CCSER2: variants seen among roughly 807,000 people sequenced by gnomAD.
CCSER2 encodes serine-rich coiled-coil domain-containing protein 2.
A neutral mutation model predicts 92.3 loss-of-function variants in CCSER2; 46 were observed. The ratio of observed to expected loss-of-function variants is 0.50; its 90% CI spans 0.39 to 0.64. The LOEUF (loss-of-function observed/expected upper bound fraction) is 0.64. CCSER2 is among the 30% of genes least tolerant of loss of function. The probability of loss-of-function intolerance (pLI) is 0.00; values close to 1 mark genes in which losing one functional copy is unlikely to be tolerated. For missense variants in CCSER2, 1,244 were observed against 1,238.9 expected, an observed-to-expected ratio of 1.00 and a Z score of -0.06; for synonymous variants, 433 against 431.4, an observed-to-expected ratio of 1.00 and a Z score of -0.04.
chr10:84,379,670 A>T (rs1358767671), intron 3 of CCSER2, among the ~76,000 whole-genome samples: 1 of 152,144 alleles, frequency 6.6e-6, no homozygotes, highest in African/African-American at 2.4e-5. Flanking sequence ...ATAGGCCATT[A>T]TCCTTAATGC....
rs1848825584 is a variant in CCSER2, at chr10:84,502,663, G to A, written c.2326-10786G>A. Among the ~76,000 whole-genome samples, 7 of 151,912 alleles carry A rather than the reference G, an allele frequency of 4.6e-5. No homozygotes were observed. The South Asian group carries it at 1.0e-3, about 23-fold the overall frequency. On this transcript the variant is annotated intron_variant, in intron 9 of 9. Transcript: ENST00000372088. ...TGGGATTACAGGCGTGAGCCACCAC[G>A]CTCGGCCTCTTTGATGACTTCTTGA...
In CCSER2 at chr10:84,464,007, A is replaced by C; in HGVS notation, c.2139A>C (p.Lys713Asn). The C allele has an allele frequency of 6.3e-7, 1 of 1,598,420 alleles. No homozygotes were observed. The highest frequency in any genetic ancestry group is 8.6e-7 in the Non-Finnish European group (1 of 1,166,328). The change falls in exon 7 of 10, where the codon AAA becomes AAC. Residue 713 changes from lysine (K) to asparagine (N), a missense_variant. Transcript: ENST00000372088. ...PSSPEPEDGD[K>N]VYKNEDLLNE... ...GTCCAGAACCAGAAGATGGTGATAAAGTATATAAGGTATGACTATGTAGTC... is the reference window on the plus strand; with the variant it reads ...GTCCAGAACCAGAAGATGGTGATAACGTATATAAGGTATGACTATGTAGTC...
chr10:84,355,804 T>A (rs1444957989), intron 1 of CCSER2, among the ~76,000 whole-genome samples: 1 of 152,190 alleles, frequency 6.6e-6, no homozygotes, highest in Non-Finnish European at 1.5e-5. Flanking sequence ...TATAGTTACT[T>A]TATAAAAAAG....
chr10:84,383,765 T>TA (rs533150056), intron 3 of CCSER2, among the ~76,000 whole-genome samples: 65 of 152,318 alleles, frequency 4.3e-4, no homozygotes, highest in Admixed American at 1.2e-3. Context: ...GTTGTTGCTT[T>TA]AAATCTGTAT....
intron 5 of CCSER2, among the ~76,000 whole-genome samples, chr10:84,434,425 T>G (rs1347469362): frequency 6.6e-6 from 1 of 152,216 alleles, no homozygotes; most frequent in African/African-American, 2.4e-5. Context: ...CTCTTAGATT[T>G]CTCTGTTATA....
chr10:84,487,772 A>G (rs1476646133), intron 9 of CCSER2, among the ~76,000 whole-genome samples: 2 of 152,170 alleles, frequency 1.3e-5, no homozygotes, highest in Non-Finnish European at 2.9e-5. Context: ...AACTTCCAAC[A>G]CTATGTTGAA....
chr10:84,357,009 A>G (rs1845208594), intron 1 of CCSER2, among the ~76,000 whole-genome samples: 1 of 152,350 alleles, frequency 6.6e-6, no homozygotes, highest in Admixed American at 6.5e-5. Context: ...GTGCCAGCCT[A>G]TGTCTTAGGG....
At chr10:84,509,718 A>G (rs1274512133) in intron 9 of CCSER2, among the ~76,000 whole-genome samples, 1 of 152,142 alleles carries the variant, frequency 6.6e-6, no homozygotes, top group Non-Finnish European at 1.5e-5. Context: ...TCAGGATTAA[A>G]GTTTTACTCA....
At chr10:84,424,105 T>G (rs957994215) in intron 4 of CCSER2, among the ~76,000 whole-genome samples, 10 of 152,036 alleles carry the variant, frequency 6.6e-5, no homozygotes, top group Non-Finnish European at 1.5e-4. Context: ...TGAGCTATGA[T>G]TGCACCACTA....
intron 3 of CCSER2, among the ~76,000 whole-genome samples, chr10:84,375,302 A>G (rs904231349): frequency 6.6e-6 from 1 of 151,950 alleles, no homozygotes; most frequent in East Asian, 1.9e-4. Flanking sequence ...GTATGGGAAG[A>G]AAAAAACATC....
chr10:84,491,822 C>G (rs932169935), intron 9 of CCSER2, among the ~76,000 whole-genome samples: 5 of 152,154 alleles, frequency 3.3e-5, no homozygotes, highest in Non-Finnish European at 7.3e-5. Context: ...CACCCCTCTT[C>G]TGGGTTGCTC....
intron 1 of CCSER2, among the ~76,000 whole-genome samples, chr10:84,338,519 G>A (rs1458967046): frequency 1.3e-5 from 2 of 152,142 alleles, no homozygotes; most frequent in East Asian, 3.9e-4. Flanking sequence ...TCGTTGAAAC[G>A]TAAATGAAAT....
intron 9 of CCSER2, among the ~76,000 whole-genome samples, chr10:84,508,027 A>G (rs1849156454): frequency 6.6e-6 from 1 of 152,232 alleles, no homozygotes; most frequent in African/African-American, 2.4e-5. Flanking sequence ...TATACTGTAT[A>G]TTCTGAAAGC....
intron 1 of CCSER2, among the ~76,000 whole-genome samples, chr10:84,354,823 C>T (rs531430926): frequency 1.8e-4 from 28 of 151,352 alleles, no homozygotes; most frequent in African/African-American, 6.5e-4. Flanking sequence ...GATGTTTTTC[C>T]CCAGACATAA....
intron 3 of CCSER2, among the ~76,000 whole-genome samples, chr10:84,397,967 CAG>C (rs1157444035): frequency 4.6e-5 from 7 of 152,170 alleles, no homozygotes; most frequent in Non-Finnish European, 7.3e-5. Context: ...ATTTGAGAAA[CAG>C]GGTGTATTCG....
At chr10:84,376,224 TACC>T (rs1846330374) in intron 3 of CCSER2, among the ~76,000 whole-genome samples, 1 of 152,182 alleles carries the variant, frequency 6.6e-6, no homozygotes, top group Non-Finnish European at 1.5e-5. Context: ...GTTTACATGC[TACC>T]AGTATTATGC....
chr10:84,413,439 C>T (rs1026965160), intron 3 of CCSER2, among the ~76,000 whole-genome samples: 7 of 152,050 alleles, frequency 4.6e-5, no homozygotes, highest in Non-Finnish European at 1.0e-4. Flanking sequence ...GTTCAGTTTC[C>T]ATGTAGTTGT....
At chr10:84,382,848 A>C (rs1840988728) in intron 3 of CCSER2, among the ~76,000 whole-genome samples, 1 of 152,216 alleles carries the variant, frequency 6.6e-6, no homozygotes, top group African/African-American at 2.4e-5. Context: ...TGTTCACTTT[A>C]AAAGGTAGAT....
At chr10:84,421,927 G>A (rs1377386100) in intron 4 of CCSER2, among the ~76,000 whole-genome samples, 1 of 152,092 alleles carries the variant, frequency 6.6e-6, no homozygotes, top group Non-Finnish European at 1.5e-5. Flanking sequence ...GGGCGGGGAG[G>A]GTGACCCAGC....
Sources: gnomAD v4.1 joint callset for allele counts (sites outside exome capture counted in the v4.1 genomes callset) on GRCh38, gnomAD v4.1.1 for gene constraint, MANE v1.5 for transcripts, NCBI Gene and HGNC (gene_info 2026-07-23, HGNC 2026-07-21) for gene names.